Variants in PITPNM2 observed in about 807,000 individuals in gnomAD.
PITPNM2 encodes the protein phosphatidylinositol transfer protein membrane associated 2, also known as membrane-associated phosphatidylinositol transfer protein 2.
PITPNM2 carries 35 observed loss-of-function variants against 132.2 expected under a neutral mutation model. The ratio of observed to expected loss-of-function variants is 0.26; its 90% confidence interval spans 0.20 to 0.35. PITPNM2 has a LOEUF of 0.35. Ranked by LOEUF, PITPNM2 falls within the 10% of genes least tolerant of loss-of-function variation. The pLI is 1.00. For missense variants in PITPNM2, 1,332 were observed against 1,912.0 expected, an observed-to-expected ratio of 0.70 and a Z score of 5.66; for synonymous variants, 738 against 799.2, an observed-to-expected ratio of 0.92 and a Z score of 1.29.
rs573553907 is a variant in PITPNM2 at position 123,001,619 on chromosome 12, A to G, written c.1049-461T>C. On this transcript the variant is annotated intron_variant, in intron 8 of 25. Coordinates refer to ENST00000320201, the MANE Select transcript of PITPNM2 (RefSeq NM_020845.3). ...AGCATAGGGTTTCTGGGGCTCCTCT[A>G]TGTTGTAGTGTGTGTCAGATGCTTC... Among the ~76,000 whole-genome samples the G allele has an allele frequency of 1.2e-4, 19 of 152,276 alleles. No homozygotes were observed. In the South Asian group the frequency reaches 1.5e-3, roughly 12 times the overall value.
chr12:123,136,874 T>C (rs975210771), intron 1 of PITPNM2, among the ~76,000 whole-genome samples: 2 of 152,046 alleles, frequency 1.3e-5, no homozygotes, highest in Admixed American at 6.6e-5. Context: ...TCTGGCCAGA[T>C]AGAGCGAGAC....
At chr12:123,027,072 G>C (rs974165064) in intron 3 of PITPNM2, among the ~76,000 whole-genome samples, 1 of 152,072 alleles carries the variant, frequency 6.6e-6, no homozygotes, top group Admixed American at 6.5e-5. Flanking sequence ...CTGTGAGTGA[G>C]CTTCAGCCTG....
intron 1 of PITPNM2, among the ~76,000 whole-genome samples, chr12:123,116,562 T>C (rs776291969): frequency 5.3e-5 from 8 of 151,040 alleles, no homozygotes; most frequent in African/African-American, 1.7e-4. Context: ...AGCAGGAGAA[T>C]TGCTTGAGCC....
intron 10 of PITPNM2, among the ~76,000 whole-genome samples, chr12:122,999,792 G>A (rs923313248): frequency 2.6e-5 from 4 of 152,202 alleles, no homozygotes; most frequent in Admixed American, 1.3e-4. Context: ...GTTCTTGCAA[G>A]CAAATGGATT....
intron 5 of PITPNM2, among the ~76,000 whole-genome samples, chr12:123,011,188 T>C (rs1435261625): frequency 6.6e-6 from 1 of 152,270 alleles, no homozygotes; most frequent in African/African-American, 2.4e-5. Flanking sequence ...CGGTCGGTTC[T>C]GCTCTAGCCA....
Position 122,996,453 on chromosome 12 carries a change from G to C in PITPNM2, c.1782+5C>G, listed in dbSNP as rs1422292059. The C allele has an allele frequency of 1.2e-6, 2 of 1,612,934 alleles. No individual in the cohort carries two copies. Among genetic ancestry groups the C allele is most frequent in the Admixed American group, 1.7e-5 (1 of 60,012 alleles). ...TGGGGACTGTCTGGGCCCCCACTTG[G>C]GTACCTGCATGCTGACCACGCTGCC... On this transcript the variant is annotated splice_donor_5th_base_variant and intron_variant, in intron 13 of 25. Coordinates refer to ENST00000320201, the MANE Select transcript of PITPNM2 (RefSeq NM_020845.3).
In PITPNM2 at chr12:122,997,444, G is replaced by A. The variant is rs910260497; in HGVS notation, c.1353C>T (p.Thr451=). 6.2e-7 allele frequency: 1 copy of A among 1,613,580 alleles called. No homozygotes were observed. Among genetic ancestry groups the A allele is most frequent in the Non-Finnish European group, 8.5e-7 (1 of 1,180,000 alleles). Residue 451 remains threonine (T), a synonymous_variant, in exon 11 of 26, where the codon ACC becomes ACT. Coordinates refer to ENST00000320201, the MANE Select transcript of PITPNM2 (RefSeq NM_020845.3). ...DPSSKKGDAN[T]IANVFDTVMR... is the part of the protein sequence containing the mutation. ...TGACGGTGTCGAACACGTTGGCGATGGTGTTAGCATCGCCCTTCTTGGAGC... is the reference window on the plus strand; with the variant it reads ...TGACGGTGTCGAACACGTTGGCGATAGTGTTAGCATCGCCCTTCTTGGAGC...
intron 17 of PITPNM2, among the ~76,000 whole-genome samples, 159 bp from the exon 18 acceptor site, chr12:122,990,107 C>A (rs906408967): frequency 6.6e-6 from 1 of 152,220 alleles, no homozygotes; most frequent in Non-Finnish European, 1.5e-5. Flanking sequence ...GCCAGCAACC[C>A]CCACCCCAGC....
chr12:123,080,146 G>T (rs557230087), intron 2 of PITPNM2, among the ~76,000 whole-genome samples: 2 of 152,290 alleles, frequency 1.3e-5, no homozygotes, highest in Non-Finnish European at 1.5e-5. Flanking sequence ...GTACATGGAT[G>T]GACCACATTC....
intron 4 of PITPNM2, among the ~76,000 whole-genome samples, chr12:123,012,941 TA>T (rs1388333140): frequency 7.2e-5 from 11 of 152,060 alleles, no homozygotes; most frequent in Non-Finnish European, 1.3e-4. Flanking sequence ...GGGAAGGATT[TA>T]GGGGGAGCAG....
At chr12:122,990,840 C>T (rs1594121498) in intron 16 of PITPNM2, 131 bp from the exon 17 acceptor site, 6 of 996,666 alleles carry the variant, frequency 6.0e-6, no homozygotes, top group South Asian at 3.4e-5. Flanking sequence ...GCCAGAGCCA[C>T]CTGCTCAGGG....
intron 3 of PITPNM2, among the ~76,000 whole-genome samples, chr12:123,021,052 A>G (rs1191110496): frequency 2.6e-5 from 4 of 151,128 alleles, no homozygotes; most frequent in Admixed American, 6.6e-5. Flanking sequence ...AAAAAAAAAA[A>G]AAAGAAAGTG....
chr12:123,068,215 C>A (rs185223817), intron 2 of PITPNM2, among the ~76,000 whole-genome samples: 15 of 152,262 alleles, frequency 9.9e-5, no homozygotes, highest in African/African-American at 3.6e-4. Flanking sequence ...CGCCTGTAAT[C>A]CCAGCACTTT....
chr12:123,034,705 G>A lies in PITPNM2; in HGVS notation c.-95-20C>T. The A allele has an allele frequency of 1.2e-6, 1 of 838,938 alleles. No homozygotes were observed. The highest frequency in any genetic ancestry group is 2.0e-6 in the Non-Finnish European group (1 of 501,422). 52.0% of individuals were successfully genotyped at this position (838,938 alleles called of 1,614,324 possible). On this transcript the variant is annotated intron_variant, in intron 2 of 25. Coordinates refer to ENST00000320201, the MANE Select transcript of PITPNM2 (RefSeq NM_020845.3). Reference sequence around the variant, plus strand: ...GGACCCCTGGGAGACAGAGAGGACAGAACAGAACAGTCACTTTCTGCAAAG... The same window carrying A: ...GGACCCCTGGGAGACAGAGAGGACAAAACAGAACAGTCACTTTCTGCAAAG...
At chr12:123,006,214 T>C (rs1401084932) in intron 6 of PITPNM2, 4 of 152,176 alleles carry the variant, frequency 2.6e-5, no homozygotes, top group African/African-American at 9.7e-5. Flanking sequence ...CAGTGTCTGC[T>C]ATATTTTTCC....
chr12:123,111,704 C>T lies in PITPNM2; in HGVS notation c.-199-1216G>A, dbSNP rs1319966414. Among the ~76,000 whole-genome samples, 1 of 152,210 alleles carries T rather than the reference C, an allele frequency of 6.6e-6. No individual in the cohort carries two copies. The highest frequency in any genetic ancestry group is 2.4e-5 in the African/African-American group (1 of 41,450). ...GACTGAGGCTCCATCGCTGTCCTGC[C>T]CCAGCCCCTTGTCTCCACGGCTGCA... On this transcript the variant is annotated intron_variant, in intron 1 of 25. Coordinates refer to ENST00000320201, the MANE Select transcript of PITPNM2 (RefSeq NM_020845.3). The surrounding 1 kb of genome is among the most constrained non-coding windows in gnomAD (Gnocchi z 4.1).
intron 2 of PITPNM2, among the ~76,000 whole-genome samples, chr12:123,073,207 C>T (rs945389235): frequency 2.0e-5 from 3 of 152,066 alleles, no homozygotes; most frequent in Non-Finnish European, 4.4e-5. Flanking sequence ...AGCCTTTTTT[C>T]TTCCATATTT....
chr12:123,066,089 AGT>A (rs1206551490), intron 2 of PITPNM2, among the ~76,000 whole-genome samples: 1 of 152,188 alleles, frequency 6.6e-6, no homozygotes, highest in Non-Finnish European at 1.5e-5. Flanking sequence ...CTGAGGTGTC[AGT>A]GTGTCTCATC....
Position 123,119,355 on chromosome 12 carries a change from A to ACTTTTTTTTTTTTTTTTTTTTT in PITPNM2, c.-199-8868_-199-8867insAAAAAAAAAAAAAAAAAAAAAG, listed in dbSNP as rs762896348. ...CTATCTAGAAGCATAGAGGATGGTG[A>ACTTTTTTTTTTTTTTTTTTTTT]TTTTTTTTTTTTTTTTTTTTGAGAC... On this transcript the variant is annotated intron_variant, in intron 1 of 25. Transcript: ENST00000320201. Among the ~76,000 whole-genome samples the ACTTTTTTTTTTTTTTTTTTTTT allele has an allele frequency of 1.5e-5, 2 of 129,306 alleles. 1 individual carries two copies. The highest frequency in any genetic ancestry group is 5.6e-5 in the African/African-American group (2 of 35,422). The allele number at this position is 129,306 out of a possible 152,430, so 84.8% of individuals were successfully genotyped here. A position where few individuals can be genotyped will look rare whatever the true frequency, so the allele number is the denominator to read the frequency against.
Sources: allele counts gnomAD v4.1 joint callset (sites outside exome capture counted in the v4.1 genomes callset), GRCh38; gene constraint gnomAD v4.1.1; non-coding constraint Gnocchi (gnomAD v3.1); transcripts MANE v1.5; gene names NCBI Gene and HGNC (gene_info 2026-07-23, HGNC 2026-07-21).